MAFA: variants seen among roughly 807,000 people sequenced by gnomAD.
MAFA encodes transcription factor MafA.
For missense variants in MAFA, 547 were observed against 538.0 expected, an observed-to-expected ratio of 1.02 and a Z score of -0.16; for synonymous variants, 244 against 260.3, an observed-to-expected ratio of 0.94 and a Z score of 0.60.
In MAFA at chr8:143,429,783, ATGGTGGTGGTGG is replaced by A. The variant is rs141816879; in HGVS notation, c.612_623del (p.His205_His208del). 3.7e-5 allele frequency: 52 copies of A among 1,409,406 alleles called. 1 individual carries two copies. Among genetic ancestry groups the A allele is most frequent in the South Asian group, 1.5e-4 (11 of 74,120 alleles). The allele number at this position is 1,409,406 out of a possible 1,614,324, so 87.3% of individuals were successfully genotyped here. ...CGCCACCGCCGTGTCCCGCGCCGCCATGGTGGTGGTGGTGGTGGTGGTGGTGGTGGGCGGCGT... is the reference window on the plus strand; with the variant it reads ...CGCCACCGCCGTGTCCCGCGCCGCCATGGTGGTGGTGGTGGTGGGCGGCGT... On this transcript the variant is annotated inframe_deletion, in exon 1 of 1. Coordinates refer to ENST00000333480, the MANE Select transcript of MAFA (RefSeq NM_201589.4). This position sits in a 1 kb window ranked among gnomAD's most constrained non-coding sequence, Gnocchi z 5.9.
rs1586860384 is a variant in MAFA at position 143,430,175 on chromosome 8, C to G, written c.232G>C (p.Gly78Arg). 22 of 1,134,242 alleles carry G rather than the reference C, an allele frequency of 1.9e-5. No homozygotes were observed. Among genetic ancestry groups the G allele is most frequent in the Non-Finnish European group, 2.4e-5 (22 of 925,462 alleles). 70.3% of individuals were successfully genotyped at this position (1,134,242 alleles called of 1,614,324 possible). The change falls in exon 1 of 1, where the codon GGC (glycine) becomes CGC (arginine). Residue 78 changes from glycine to arginine, a missense_variant. By Grantham distance (125) the Gly-to-Arg change is moderately radical. Transcript: ENST00000333480. Reference sequence around the variant, plus strand: ...CCGCCGCCGCCCCCCGCGCCGCCGCCGCCGCCGGTGCCCGGGCTGGGCGCG... The same window carrying G: ...CCGCCGCCGCCCCCCGCGCCGCCGCGGCCGCCGGTGCCCGGGCTGGGCGCG... ...FCAPSPGTGG[G>R]GGAGGGGGSS...
chr8:143,430,484 T>A lies in MAFA; in HGVS notation c.-78A>T, dbSNP rs1435699378. On this transcript the variant is annotated 5_prime_UTR_variant, in exon 1 of 1. Coordinates refer to ENST00000333480, the MANE Select transcript of MAFA (RefSeq NM_201589.4). ...GGGAGCTGCAGGCCTCTCCCCCCCCTGCTCCCCGCGGGCGGCGGTCCCGGC... is the reference window on the plus strand; with the variant it reads ...GGGAGCTGCAGGCCTCTCCCCCCCCAGCTCCCCGCGGGCGGCGGTCCCGGC... 2 of 360,858 alleles carry A rather than the reference T, an allele frequency of 5.5e-6. No homozygotes were observed. Among genetic ancestry groups the A allele is most frequent in the Non-Finnish European group, 7.4e-6 (2 of 269,404 alleles). The allele number at this position is 360,858 out of a possible 1,614,324, so 22.4% of individuals were successfully genotyped here.
Position 143,429,959 on chromosome 8 carries a change from C to G in MAFA, c.448G>C (p.Ala150Pro). ...GCCGGGTGGTGCGCGCCGTGGTGCG[C>G]GCCGTGGTGGCCGCTGCCGATGAGC... ...EALIGSGHHGAHHGAHHPAAA... is the reference protein window; with the variant it reads ...EALIGSGHHGPHHGAHHPAAA... The change falls in exon 1 of 1, where the codon GCG becomes CCG. Residue 150 changes from alanine to proline, a missense_variant. Coordinates refer to ENST00000333480, the MANE Select transcript of MAFA (RefSeq NM_201589.4). The surrounding 1 kb of genome is among the most constrained non-coding windows in gnomAD (Gnocchi z 5.9). 7.8e-7 allele frequency: 1 copy of G among 1,284,520 alleles called. No homozygotes were observed. Among genetic ancestry groups the G allele is most frequent in the Non-Finnish European group, 9.9e-7 (1 of 1,014,518 alleles). The allele number at this position is 1,284,520 out of a possible 1,614,324, so 79.6% of individuals were successfully genotyped here. A position where few individuals can be genotyped will look rare whatever the true frequency, so the allele number is the denominator to read the frequency against.
rs980061102 is a variant in MAFA at position 143,428,405 on chromosome 8, C to T, written c.*940G>A. The T allele has an allele frequency of 6.6e-6, 1 of 152,230 alleles. No individual in the cohort carries two copies. Among genetic ancestry groups the T allele is most frequent in the African/African-American group, 2.4e-5 (1 of 41,464 alleles). 9.4% of individuals were successfully genotyped at this position (152,230 alleles called of 1,614,324 possible). On this transcript the variant is annotated 3_prime_UTR_variant, in exon 1 of 1. Coordinates refer to ENST00000333480, the MANE Select transcript of MAFA (RefSeq NM_201589.4). ...AACACAATTTAAATTAAAATAAAAA[C>T]ACTTTCTCCACCCGCCCCATGCCAG...
rs1819515068 is a variant in MAFA at position 143,429,975 on chromosome 8, G to A, written c.432C>T (p.Gly144=). ...TPEDAVEALI[G]SGHHGAHHGA... ...CGTGGTGCGCGCCGTGGTGGCCGCT[G>A]CCGATGAGCGCCTCCACCGCGTCCT... is the stretch of plus-strand genomic sequence containing the variant. Residue 144 remains glycine, a synonymous_variant, in exon 1 of 1, where the codon GGC becomes GGT. Coordinates refer to ENST00000333480, the MANE Select transcript of MAFA (RefSeq NM_201589.4). This position sits in a 1 kb window ranked among gnomAD's most constrained non-coding sequence, Gnocchi z 5.9. The A allele has an allele frequency of 2.3e-6, 3 of 1,307,270 alleles. No homozygotes were observed. Among genetic ancestry groups the A allele is most frequent in the Non-Finnish European group, 9.8e-7 (1 of 1,024,114 alleles). The allele number at this position is 1,307,270 out of a possible 1,614,324, so 81.0% of individuals were successfully genotyped here.
In MAFA at chr8:143,430,150, C is replaced by G. The variant is rs1819518660; in HGVS notation, c.257G>C (p.Gly86Ala). 9.1e-7 allele frequency: 1 copy of G among 1,093,152 alleles called. No homozygotes were observed. The highest frequency in any genetic ancestry group is 6.0e-5 in the East Asian group (1 of 16,700). 67.7% of individuals were successfully genotyped at this position (1,093,152 alleles called of 1,614,324 possible). The change falls in exon 1 of 1, where the codon GGC becomes GCC. Residue 86 changes from glycine (G) to alanine (A), a missense_variant. Coordinates refer to ENST00000333480, the MANE Select transcript of MAFA (RefSeq NM_201589.4). ...GGGGGCGCCCCCGGCCTGAGACGAG[C>G]CGCCGCCGCCCCCCGCGCCGCCGCC... ...GGGGGAGGGG[G>A]SSQAGGAPGP...
Position 143,430,006 on chromosome 8 carries a change from G to T in MAFA, c.401C>A (p.Thr134Lys). 1 of 1,368,204 alleles carries T rather than the reference G, an allele frequency of 7.3e-7. No homozygotes were observed. 84.8% of individuals were successfully genotyped at this position (1,368,204 alleles called of 1,614,324 possible). A position where few individuals can be genotyped will look rare whatever the true frequency, so the allele number is the denominator to read the frequency against. Residue 134 changes from threonine to lysine, a missense_variant, in exon 1 of 1, where the codon ACG becomes AAG. Transcript: ENST00000333480. ...GAGCGCCTCCACCGCGTCCTCGGGC[G>T]TCAGGTTGAGCGCCTCGGGGTTGAG... ...HHLNPEALNL[T>K]PEDAVEALIG...
rs1357425988 is a variant in MAFA, at chr8:143,429,765, G to A, written c.642C>T (p.Gly214=). ...GGCGCACGTGGTGGCCCGCGCCACC[G>A]CCGTGTCCCGCGCCGCCATGGTGGT... ...HHHHHGGAGH[G]GGAGHHVRLE... The change falls in exon 1 of 1, where the codon GGC becomes GGT. Residue 214 remains glycine (G), a synonymous_variant. Coordinates refer to ENST00000333480, the MANE Select transcript of MAFA (RefSeq NM_201589.4). The surrounding 1 kb of genome is among the most constrained non-coding windows in gnomAD (Gnocchi z 5.9). The A allele has an allele frequency of 1.3e-6, 2 of 1,530,886 alleles. No homozygotes were observed. Among genetic ancestry groups the A allele is most frequent in the Admixed American group, 2.0e-5 (1 of 50,972 alleles). The allele number at this position is 1,530,886 out of a possible 1,614,324, so 94.8% of individuals were successfully genotyped here.
At position 143,430,084 on chromosome 8, in the gene MAFA, G is replaced by T. The variant is rs1369617050; in HGVS notation, c.323C>A (p.Ser108Ter). The change falls in exon 1 of 1, where the codon TCG becomes TAG. Residue 108 changes from serine (S) to a stop codon, truncating the protein, a stop_gained. Coordinates refer to ENST00000333480, the MANE Select transcript of MAFA (RefSeq NM_201589.4). LOFTEE classifies it low-confidence loss of function (END_TRUNC). ...SGGPGAVGGT[S>*]GKPALEDLYW... ...CAGATCCTCCAGCGCCGGCTTCCCC[G>T]AGGTGCCCCCGACGGCGCCGGGGCC... is the stretch of plus-strand genomic sequence containing the variant. The T allele has an allele frequency of 8.2e-7, 1 of 1,217,702 alleles. No individual in the cohort carries two copies. The highest frequency in any genetic ancestry group is 2.6e-5 in the South Asian group (1 of 38,474). 75.4% of individuals were successfully genotyped at this position (1,217,702 alleles called of 1,614,324 possible).
chr8:143,430,304 G>T lies in MAFA; in HGVS notation c.103C>A (p.Pro35Thr). 6.9e-7 allele frequency: 1 copy of T among 1,450,618 alleles called. No individual in the cohort carries two copies. Among genetic ancestry groups the T allele is most frequent in the Non-Finnish European group, 9.2e-7 (1 of 1,087,068 alleles). The allele number at this position is 1,450,618 out of a possible 1,614,324, so 89.9% of individuals were successfully genotyped here. A position where few individuals can be genotyped will look rare whatever the true frequency, so the allele number is the denominator to read the frequency against. Residue 35 changes from proline to threonine, a missense_variant, in exon 1 of 1, where the codon CCT becomes ACT. Coordinates refer to ENST00000333480, the MANE Select transcript of MAFA (RefSeq NM_201589.4). ...DLMKFEVKKE[P>T]PEAERFCHRL... ...TGGCAGAAGCGCTCGGCCTCGGGAG[G>T]CTCCTTCTTCACCTCGAACTTCATC...
chr8:143,430,329 C>G lies in MAFA; in HGVS notation c.78G>C (p.Leu26=). Residue 26 remains leucine (L), a synonymous_variant, in exon 1 of 1, where the codon CTG becomes CTC. Coordinates refer to ENST00000333480, the MANE Select transcript of MAFA (RefSeq NM_201589.4). ...GCTCCTTCTTCACCTCGAACTTCATCAGGTCGAAGTCGTTGACGTACTCGA... is the reference window on the plus strand; with the variant it reads ...GCTCCTTCTTCACCTCGAACTTCATGAGGTCGAAGTCGTTGACGTACTCGA... ...LAIEYVNDFD[L]MKFEVKKEPP... The G allele has an allele frequency of 6.9e-7, 1 of 1,450,870 alleles. No homozygotes were observed. The highest frequency in any genetic ancestry group is 9.2e-7 in the Non-Finnish European group (1 of 1,086,650). The allele number at this position is 1,450,870 out of a possible 1,614,324, so 89.9% of individuals were successfully genotyped here.
At position 143,429,566 on chromosome 8, in the gene MAFA, T is replaced by G. The variant is rs781101982; in HGVS notation, c.841A>C (p.Ile281Leu). 2 of 1,604,550 alleles carry G rather than the reference T, an allele frequency of 1.2e-6. No individual in the cohort carries two copies. Among genetic ancestry groups the G allele is most frequent in the Non-Finnish European group, 1.7e-6 (2 of 1,179,570 alleles). Residue 281 changes from isoleucine to leucine, a missense_variant, in exon 1 of 1, where the codon ATT becomes CTT. Coordinates refer to ENST00000333480, the MANE Select transcript of MAFA (RefSeq NM_201589.4). The surrounding 1 kb of genome is among the most constrained non-coding windows in gnomAD (Gnocchi z 5.9). ...CRFKRVQQRH[I>L]LESEKCQLQS... Reference sequence around the variant, plus strand: ...AGTTGGCACTTCTCGCTCTCCAGAATGTGCCGCTGCTGCACCCGCTTGAAG... The same window carrying G: ...AGTTGGCACTTCTCGCTCTCCAGAAGGTGCCGCTGCTGCACCCGCTTGAAG...
Position 143,430,328 on chromosome 8 carries a change from T to C in MAFA, c.79A>G (p.Met27Val), listed in dbSNP as rs751160541. Residue 27 changes from methionine to valine, a missense_variant, in exon 1 of 1, where the codon ATG (methionine) becomes GTG (valine). Physicochemically the swap from Met to Val is conservative, Grantham distance 21. Transcript: ENST00000333480. ...AIEYVNDFDL[M>V]KFEVKKEPPE... Reference sequence around the variant, plus strand: ...GGCTCCTTCTTCACCTCGAACTTCATCAGGTCGAAGTCGTTGACGTACTCG... The same window carrying C: ...GGCTCCTTCTTCACCTCGAACTTCACCAGGTCGAAGTCGTTGACGTACTCG... The C allele has an allele frequency of 3.5e-6, 5 of 1,448,154 alleles. No homozygotes were observed. The East Asian group carries it at 9.5e-5, about 28-fold the overall frequency. 89.7% of individuals were successfully genotyped at this position (1,448,154 alleles called of 1,614,324 possible). A position where few individuals can be genotyped will look rare whatever the true frequency, so the allele number is the denominator to read the frequency against.
chr8:143,429,669 G>A lies in MAFA; in HGVS notation c.738C>T (p.Gly246=). ...GCCGGATGACCTCCTCCTTGCTGAA[G>A]CCGCGGAGCTGCCGGTTCAGCTCGC... ...SVRELNRQLR[G]FSKEEVIRLK... is the part of the protein sequence containing the mutation. Residue 246 remains glycine (G), a synonymous_variant, in exon 1 of 1, where the codon GGC becomes GGT. Coordinates refer to ENST00000333480, the MANE Select transcript of MAFA (RefSeq NM_201589.4). This position sits in a 1 kb window ranked among gnomAD's most constrained non-coding sequence, Gnocchi z 5.9. 1 of 1,579,754 alleles carries A rather than the reference G, an allele frequency of 6.3e-7. No individual in the cohort carries two copies. Among genetic ancestry groups the A allele is most frequent in the Non-Finnish European group, 8.5e-7 (1 of 1,170,278 alleles).
Sources: gnomAD v4.1 joint callset for allele counts on GRCh38, gnomAD v4.1.1 for gene constraint, Gnocchi (gnomAD v3.1) non-coding constraint, MANE v1.5 for transcripts, NCBI Gene and HGNC (gene_info 2026-07-23, HGNC 2026-07-21) for gene names.